Variants in ZCWPW2 observed in about 807,000 individuals in gnomAD.
ZCWPW2 encodes zinc finger CW-type PWWP domain protein 2.
ZCWPW2 carries 45 observed loss-of-function variants against 46.6 expected under a neutral mutation model. The ratio of observed to expected loss-of-function variants is 0.96; its 90% CI spans 0.76 to 1.24. The LOEUF is 1.24. ZCWPW2 is among the 50% of genes most tolerant of loss of function. ZCWPW2 has a pLI of 0.00. For synonymous variants in ZCWPW2, 152 were observed against 137.1 expected (o/e 1.11, Z -0.76); for missense variants, 429 against 403.9 (o/e 1.06, Z -0.53).
chr3:28,352,422 A>G (rs963150876), intron 1 of ZCWPW2, among the ~76,000 whole-genome samples: 1 of 152,114 alleles, frequency 6.6e-6, no homozygotes, highest in African/African-American at 2.4e-5. Flanking sequence ...TGAACTAGAC[A>G]TCTTTTTGCT....
intron 6 of ZCWPW2, among the ~76,000 whole-genome samples, chr3:28,512,797 T>C (rs1192143025): frequency 1.3e-5 from 2 of 152,148 alleles, no homozygotes; most frequent in Non-Finnish European, 2.9e-5. Context: ...TTGGCTCTTC[T>C]TAAAAATTCT....
At chr3:28,501,155 T>C (rs1386945162) in intron 6 of ZCWPW2, among the ~76,000 whole-genome samples, 1 of 152,126 alleles carries the variant, frequency 6.6e-6, no homozygotes, top group Non-Finnish European at 1.5e-5. Context: ...ATCTATGAAA[T>C]AGAAGGGTGC....
intron 4 of ZCWPW2, among the ~76,000 whole-genome samples, chr3:28,435,564 C>A (rs1697448912): frequency 1.3e-5 from 2 of 149,936 alleles, no homozygotes; most frequent in Admixed American, 1.3e-4. Context: ...CGGCTCACTG[C>A]AAGCTCCGCC....
intron 4 of ZCWPW2, among the ~76,000 whole-genome samples, chr3:28,476,061 A>G (rs777683940): frequency 6.6e-6 from 1 of 151,634 alleles, no homozygotes; most frequent in Non-Finnish European, 1.5e-5. Context: ...AAAATCAATT[A>G]TATATAACTA....
chr3:28,443,842 G>A (rs896365148), intron 4 of ZCWPW2, among the ~76,000 whole-genome samples: 1 of 152,110 alleles, frequency 6.6e-6, no homozygotes, highest in Non-Finnish European at 1.5e-5. Flanking sequence ...TTGGTGAAGG[G>A]TATATCTTCT....
intron 1 of ZCWPW2, among the ~76,000 whole-genome samples, chr3:28,357,270 A>T (rs1280566068): frequency 1.3e-5 from 2 of 152,190 alleles, no homozygotes; most frequent in Non-Finnish European, 2.9e-5. Flanking sequence ...GTTAAGCTAC[A>T]TTTTTCAAAT....
intron 5 of ZCWPW2, among the ~76,000 whole-genome samples, chr3:28,489,667 C>T (rs1489657011): frequency 2.2e-4 from 4 of 18,524 alleles, no homozygotes; most frequent in South Asian, 1.9e-3. Context: ...CACACACGCG[C>T]GCACACACAC....
At chr3:28,394,616 C>A (rs1243385250) in intron 2 of ZCWPW2, among the ~76,000 whole-genome samples, 2 of 152,002 alleles carry the variant, frequency 1.3e-5, no homozygotes, top group Non-Finnish European at 2.9e-5. Context: ...CATATACAAC[C>A]AATGGATCTT....
chr3:28,507,999 A>T (rs1005215330), intron 6 of ZCWPW2, among the ~76,000 whole-genome samples: 2 of 152,112 alleles, frequency 1.3e-5, no homozygotes, highest in African/African-American at 2.4e-5. Context: ...ATTAATAAAG[A>T]TTTATTTGGC....
intron 1 of ZCWPW2, among the ~76,000 whole-genome samples, chr3:28,371,105 A>T (rs1352110582): frequency 6.6e-6 from 1 of 152,178 alleles, no homozygotes; most frequent in Non-Finnish European, 1.5e-5. Context: ...GGTTTGGAAT[A>T]TTAGACTTTA....
intron 4 of ZCWPW2, among the ~76,000 whole-genome samples, chr3:28,471,356 C>T (rs1042757983): frequency 6.6e-6 from 1 of 152,076 alleles, no homozygotes; most frequent in African/African-American, 2.4e-5. Flanking sequence ...AAATCCTCAA[C>T]AAAATACTAG....
At chr3:28,377,251 C>A (rs933811160) in intron 1 of ZCWPW2, among the ~76,000 whole-genome samples, 2 of 151,952 alleles carry the variant, frequency 1.3e-5, no homozygotes, top group African/African-American at 2.4e-5. Context: ...AAAACTACTT[C>A]CATTTTTACA....
chr3:28,510,578 G>A (rs941861612), intron 6 of ZCWPW2, among the ~76,000 whole-genome samples: 1 of 151,900 alleles, frequency 6.6e-6, no homozygotes, highest in African/African-American at 2.4e-5. Flanking sequence ...AGTACATTCT[G>A]TAGTAGCTCT....
intron 1 of ZCWPW2, among the ~76,000 whole-genome samples, chr3:28,360,753 A>AAAACAG (rs1374654043): frequency 6.6e-6 from 1 of 152,168 alleles, no homozygotes. Context: ...AACAAAAACA[A>AAAACAG]AAACAGAAAA....
At chr3:28,416,999 A>C (rs1369857322) in intron 3 of ZCWPW2, among the ~76,000 whole-genome samples, 1 of 149,304 alleles carries the variant, frequency 6.7e-6, no homozygotes, top group African/African-American at 2.5e-5. Context: ...TGTCTCTGTC[A>C]GGCTTTGGTA....
intron 2 of ZCWPW2, among the ~76,000 whole-genome samples, chr3:28,400,993 C>T (rs1483394033): frequency 6.6e-6 from 1 of 152,028 alleles, no homozygotes; most frequent in East Asian, 1.9e-4. Context: ...TCCTGGCTAA[C>T]ATGGTGAAAC....
At chr3:28,489,357 C>T (rs1699719051) in intron 5 of ZCWPW2, among the ~76,000 whole-genome samples, 1 of 151,916 alleles carries the variant, frequency 6.6e-6, no homozygotes, top group South Asian at 2.1e-4. Flanking sequence ...TACAACAAAA[C>T]TTATTCCATC....
intron 2 of ZCWPW2, 39 bp from the exon 3 acceptor site, chr3:28,413,017 A>C: frequency 6.6e-7 from 1 of 1,513,256 alleles, no homozygotes. Context: ...TATACTCTTG[A>C]ATCCTCATTC....
intron 6 of ZCWPW2, among the ~76,000 whole-genome samples, chr3:28,500,914 G>T (rs972385954): frequency 1.3e-5 from 2 of 152,112 alleles, no homozygotes; most frequent in Non-Finnish European, 2.9e-5. Context: ...TTGCAGTCAG[G>T]CTTCAAAACC....
Sources: allele counts gnomAD v4.1 joint callset (sites outside exome capture counted in the v4.1 genomes callset), GRCh38; gene constraint gnomAD v4.1.1; transcripts MANE v1.5; gene names NCBI Gene and HGNC (gene_info 2026-07-23, HGNC 2026-07-21).